The following SLC18A1 variants were observed in gnomAD, a reference collection of about 807,000 sequenced individuals.
SLC18A1 encodes chromaffin granule amine transporter.
In SLC18A1, 69 loss-of-function variants were observed where a neutral mutation model predicts 53.7. The observed-to-expected ratio is 1.28, with a 90% confidence interval of 1.06 to 1.57. The LOEUF (loss-of-function observed/expected upper bound fraction) is 1.57, where lower values mean the gene tolerates loss of function less well. Ranked by LOEUF, SLC18A1 falls within the 40% of genes most tolerant of loss-of-function variation. The probability of loss-of-function intolerance (pLI) is 0.00; values close to 1 mark genes in which losing one functional copy is unlikely to be tolerated. For missense variants in SLC18A1, 932 were observed against 668.1 expected (o/e 1.40, Z -4.35); for synonymous variants, 320 against 248.1 (o/e 1.29, Z -2.72).
In SLC18A1 at chr8:20,147,247, G is replaced by A; in HGVS notation, c.1464+11C>T. On this transcript the variant is annotated intron_variant, in intron 15 of 15. Transcript: ENST00000276373. ...AAGTGAATTTCTCTTTTAACAGTCG[G>A]TGCTCCTTACAAGCTTCTCTTCCTT... 1 of 1,588,198 alleles carries A rather than the reference G, an allele frequency of 6.3e-7. No homozygotes were observed. The highest frequency in any genetic ancestry group is 8.5e-7 in the Non-Finnish European group (1 of 1,171,718).
intron 2 of SLC18A1, among the ~76,000 whole-genome samples, chr8:20,180,570 G>A (rs1412097376): frequency 6.6e-6 from 1 of 152,204 alleles, no homozygotes; most frequent in African/African-American, 2.4e-5. Flanking sequence ...GAAAAGCACA[G>A]CCAGTTCTGG....
At chr8:20,149,821 T>C in intron 11 of SLC18A1, 94 bp from the exon 12 acceptor site, 1 of 1,184,706 alleles carries the variant, frequency 8.4e-7, no homozygotes, top group Admixed American at 1.8e-5. Flanking sequence ...CCACCAGCCC[T>C]AATCCCAGCA....
chr8:20,158,602 T>C (rs2071739725), intron 10 of SLC18A1, among the ~76,000 whole-genome samples: 1 of 152,068 alleles, frequency 6.6e-6, no homozygotes, highest in Non-Finnish European at 1.5e-5. Context: ...CTCCAAAAGA[T>C]TGTTAAGGAC....
chr8:20,147,003 C>A (rs1202295236), intron 15 of SLC18A1, among the ~76,000 whole-genome samples: 1 of 152,078 alleles, frequency 6.6e-6, no homozygotes, highest in African/African-American at 2.4e-5. Flanking sequence ...TGGTCCTCTG[C>A]CCCCATTTCC....
chr8:20,163,917 C>G (rs992382542), intron 10 of SLC18A1, among the ~76,000 whole-genome samples: 1 of 152,082 alleles, frequency 6.6e-6, no homozygotes, highest in South Asian at 2.1e-4. Context: ...TCACTAGTAT[C>G]GAGACCCTGA....
chr8:20,146,531 G>A (rs777071938), intron 15 of SLC18A1, among the ~76,000 whole-genome samples: 3 of 152,140 alleles, frequency 2.0e-5, no homozygotes, highest in Non-Finnish European at 4.4e-5. Context: ...AGGCCCTCAG[G>A]ATGTTTGTGC....
chr8:20,147,464 T>C, intron 14 of SLC18A1, 73 bp from the exon 15 acceptor site: 2 of 1,576,024 alleles, frequency 1.3e-6, no homozygotes, highest in Admixed American at 1.7e-5. Flanking sequence ...TAGGACACTA[T>C]GCTAGGGGCA....
At chr8:20,165,664 C>G (rs966128356) in intron 8 of SLC18A1, among the ~76,000 whole-genome samples, 1 of 152,164 alleles carries the variant, frequency 6.6e-6, no homozygotes, top group African/African-American at 2.4e-5. Flanking sequence ...CGTCAGGACA[C>G]ACTCTCATCT....
chr8:20,148,899 C>T (rs961380496), intron 12 of SLC18A1, among the ~76,000 whole-genome samples: 5 of 152,144 alleles, frequency 3.3e-5, no homozygotes, highest in Non-Finnish European at 5.9e-5. Context: ...ACCTTGACAA[C>T]CCTGTGGACA....
In SLC18A1 at chr8:20,147,515, G is replaced by C. The variant is rs180976316; in HGVS notation, c.1330+88C>G. ...GATGTCTCAGCGTCAAAGATCTCCA[G>C]AACCCTAGGAGGATAGCTTCCTGGC... On this transcript the variant is annotated intron_variant, in intron 14 of 15. Coordinates refer to ENST00000276373, the MANE Select transcript of SLC18A1 (RefSeq NM_003053.4). 45 of 1,589,896 alleles carry C rather than the reference G, an allele frequency of 2.8e-5. No individual in the cohort carries two copies. In the African/African-American group the frequency reaches 5.9e-4, roughly 21 times the overall value.
chr8:20,150,049 G>T (rs913492507), intron 11 of SLC18A1, among the ~76,000 whole-genome samples: 1 of 152,208 alleles, frequency 6.6e-6, no homozygotes, highest in Non-Finnish European at 1.5e-5. Context: ...AACTCATGCT[G>T]TTGCCCAGCT....
chr8:20,148,286 C>G (rs551791690), intron 12 of SLC18A1: 315 of 601,626 alleles, frequency 5.2e-4, no homozygotes, highest in Non-Finnish European at 7.2e-4. Flanking sequence ...ATTTATTGCT[C>G]TATCCAGAGT....
At chr8:20,150,167 C>G (rs1167078950) in intron 11 of SLC18A1, among the ~76,000 whole-genome samples, 1 of 152,190 alleles carries the variant, frequency 6.6e-6, no homozygotes, top group Non-Finnish European at 1.5e-5. Flanking sequence ...GGCAGTGCTT[C>G]TAAAATCTTG....
At chr8:20,168,392 G>C (rs1037706714) in intron 8 of SLC18A1, among the ~76,000 whole-genome samples, 10 of 148,664 alleles carry the variant, frequency 6.7e-5, no homozygotes, top group African/African-American at 2.4e-4. Flanking sequence ...CAAGTAAATA[G>C]AGTGATGAAC....
intron 15 of SLC18A1, among the ~76,000 whole-genome samples, chr8:20,146,323 T>A (rs1454461515): frequency 6.6e-6 from 1 of 152,178 alleles, no homozygotes. Context: ...ACCCTCTGCA[T>A]GTACATGCAC....
In SLC18A1 at chr8:20,164,978, T is replaced by C. The variant is rs768302603; in HGVS notation, c.920-14A>G. 7 of 1,613,862 alleles carry C rather than the reference T, an allele frequency of 4.3e-6. No homozygotes were observed. In the South Asian group the frequency reaches 4.4e-5, roughly 10 times the overall value. On this transcript the variant is annotated splice_polypyrimidine_tract_variant and intron_variant, in intron 9 of 15. Coordinates refer to ENST00000276373, the MANE Select transcript of SLC18A1 (RefSeq NM_003053.4). The stretch of plus-strand genomic sequence containing the variant: ...AGCAGATGGACCCTGGGGAGACTGT[T>C]CTGTGAGCAGCCGTGGCTGCTTGAA...
rs1003842508 is a variant in SLC18A1, at chr8:20,147,585, C to G, written c.1330+18G>C. The G allele has an allele frequency of 2.5e-6, 4 of 1,613,584 alleles. No individual in the cohort carries two copies. The highest frequency in any genetic ancestry group is 2.2e-5 in the South Asian group (2 of 91,050). ...GAGTAGACAGGGGAAAGTGGGGCACCAGGTCCTGCCAACATACCTATAGCA... is the reference window on the plus strand; with the variant it reads ...GAGTAGACAGGGGAAAGTGGGGCACGAGGTCCTGCCAACATACCTATAGCA... On this transcript the variant is annotated intron_variant, in intron 14 of 15. Coordinates refer to ENST00000276373, the MANE Select transcript of SLC18A1 (RefSeq NM_003053.4).
chr8:20,147,820 T>G, intron 13 of SLC18A1, 98 bp from the exon 14 acceptor site: 1 of 1,542,018 alleles, frequency 6.5e-7, no homozygotes, highest in Non-Finnish European at 8.8e-7. Context: ...GTCTGCTGTC[T>G]TCTGCCTCGG....
chr8:20,172,206 G>A (rs2072140449), intron 6 of SLC18A1, among the ~76,000 whole-genome samples: 1 of 152,206 alleles, frequency 6.6e-6, no homozygotes, highest in South Asian at 2.1e-4. Flanking sequence ...GATCTAACAA[G>A]CTTGTTCATT....
Sources: allele counts gnomAD v4.1 joint callset (sites outside exome capture counted in the v4.1 genomes callset), GRCh38; gene constraint gnomAD v4.1.1; transcripts MANE v1.5; gene names NCBI Gene and HGNC (gene_info 2026-07-23, HGNC 2026-07-21).